The following ERBB4 variants were observed in gnomAD, a reference collection of about 807,000 sequenced individuals.
ERBB4 encodes receptor tyrosine-protein kinase erbB-4.
A neutral mutation model predicts 158.0 loss-of-function variants in ERBB4; 42 were observed. That is an observed-to-expected ratio of 0.27 (90% CI 0.21 to 0.34). ERBB4 has a LOEUF of 0.34. ERBB4 is among the 10% of genes least tolerant of loss of function. The pLI is 1.00. For missense variants in ERBB4, 1,333 were observed against 1,624.1 expected (o/e 0.82, Z 3.08); for synonymous variants, 583 against 558.7 (o/e 1.04, Z -0.61).
intron 7 of ERBB4, among the ~76,000 whole-genome samples, chr2:211,717,759 G>A (rs1575042474): frequency 6.6e-6 from 1 of 152,030 alleles, no homozygotes; most frequent in East Asian, 1.9e-4. Context: ...CCCGGGAGGC[G>A]GAGGTTGCAG....
chr2:212,230,348 A>C lies in ERBB4; in HGVS notation c.83-105445T>G, dbSNP rs1287913224. On this transcript the variant is annotated intron_variant, in intron 1 of 27. Coordinates refer to ENST00000342788, the MANE Select transcript of ERBB4 (RefSeq NM_005235.3). ...CTAAGTGTAGGTATGCTGCAAAACT[A>C]TTACTTTATCCATAATAAAATATGC... 1.3e-5 allele frequency among the ~76,000 whole-genome samples: 2 copies of C among 152,162 alleles called. 1 individual carries two copies. The highest frequency in any genetic ancestry group is 4.1e-4 in the South Asian group (2 of 4,828).
In ERBB4 at chr2:211,997,146, C is replaced by T. The variant is rs962168532; in HGVS notation, c.235-49530G>A. 2.6e-5 allele frequency among the ~76,000 whole-genome samples: 4 copies of T among 151,944 alleles called. 1 individual carries two copies. Among genetic ancestry groups the T allele is most frequent in the Non-Finnish European group, 1.5e-5 (1 of 67,964 alleles). On this transcript the variant is annotated intron_variant, in intron 2 of 27. Coordinates refer to ENST00000342788, the MANE Select transcript of ERBB4 (RefSeq NM_005235.3). ...TGTCTTGCATTTAAACCCCGTTTGCCGGATTAACTGCAAATGTAGATGAGT... is the reference window on the plus strand; with the variant it reads ...TGTCTTGCATTTAAACCCCGTTTGCTGGATTAACTGCAAATGTAGATGAGT...
intron 1 of ERBB4, among the ~76,000 whole-genome samples, chr2:212,510,792 A>G (rs1377456665): frequency 6.6e-6 from 1 of 152,112 alleles, no homozygotes; most frequent in Non-Finnish European, 1.5e-5. Context: ...TAAAATGTCT[A>G]TCTGGAAAAA....
intron 1 of ERBB4, among the ~76,000 whole-genome samples, chr2:212,344,995 G>T (rs6704717): frequency 3.3e-5 from 5 of 151,888 alleles, no homozygotes; most frequent in Non-Finnish European, 1.5e-5. Context: ...GGCGTGGTGG[G>T]TCACGCCTGT....
At position 211,378,605 on chromosome 2, in the gene ERBB4, T is replaced by G. The variant is rs2062520089; in HGVS notation, c.*5010A>C. 4.3e-6 allele frequency: 1 copy of G among 232,446 alleles called. No individual in the cohort carries two copies. The highest frequency in any genetic ancestry group is 5.6e-5 in the Admixed American group (1 of 17,726). 14.4% of individuals were successfully genotyped at this position (232,446 alleles called of 1,614,324 possible). A position where few individuals can be genotyped will look rare whatever the true frequency, so the allele number is the denominator to read the frequency against. ...ACTCAGATCTCTGGGATCAGAAAAA[T>G]TTTATTAATTCTACCCAGAAGTATA... On this transcript the variant is annotated 3_prime_UTR_variant, in exon 28 of 28. Transcript: ENST00000342788.
intron 2 of ERBB4, among the ~76,000 whole-genome samples, chr2:212,070,034 T>C (rs2222377): frequency 0.83 from 125,791 of 151,836 alleles, 53,652 homozygotes; most frequent in East Asian, 1. Flanking sequence ...GTGGGAGGAG[T>C]TGCTGAGCCC....
chr2:211,787,915 A>G lies in ERBB4; in HGVS notation c.556+110T>C, dbSNP rs1188749190. 13 of 1,042,376 alleles carry G rather than the reference A, an allele frequency of 1.2e-5. No homozygotes were observed. In the East Asian group the frequency reaches 2.9e-4, roughly 24 times the overall value. The allele number at this position is 1,042,376 out of a possible 1,614,324, so 64.6% of individuals were successfully genotyped here. Reference sequence around the variant, plus strand: ...CTGCCATATATAACTGAACATTTCAATGAATGCAATCAAAGTTCAAAATAT... The same window carrying G: ...CTGCCATATATAACTGAACATTTCAGTGAATGCAATCAAAGTTCAAAATAT... On this transcript the variant is annotated intron_variant, in intron 4 of 27. Transcript: ENST00000342788.
chr2:211,845,460 A>C (rs553929594), intron 3 of ERBB4, among the ~76,000 whole-genome samples: 1 of 152,174 alleles, frequency 6.6e-6, no homozygotes, highest in African/African-American at 2.4e-5. Flanking sequence ...TTGTTTCTTC[A>C]TTGCTGTTTT....
At chr2:211,532,535 G>T (rs989928911) in intron 20 of ERBB4, among the ~76,000 whole-genome samples, 2 of 151,836 alleles carry the variant, frequency 1.3e-5, no homozygotes, top group African/African-American at 2.4e-5. Flanking sequence ...AGAGAATCTG[G>T]GAGAAAAAAG....
At chr2:212,148,691 C>T (rs10184407) in intron 1 of ERBB4, among the ~76,000 whole-genome samples, 97,235 of 151,158 alleles carry the variant, frequency 0.64, 32,312 homozygotes, top group African/African-American at 0.75. Flanking sequence ...CTATAAATCA[C>T]GCTGCTATAA....
chr2:211,546,835 G>C (rs1446871481), intron 20 of ERBB4, among the ~76,000 whole-genome samples: 3 of 152,010 alleles, frequency 2.0e-5, no homozygotes, highest in African/African-American at 7.2e-5. Context: ...GCCCATTTTA[G>C]CGTGCAAAAC....
intron 1 of ERBB4, among the ~76,000 whole-genome samples, chr2:212,439,224 T>C (rs2092201478): frequency 1.3e-5 from 2 of 152,154 alleles, no homozygotes; most frequent in Admixed American, 1.3e-4. Context: ...AAAGACTGCT[T>C]CGAGATTATT....
chr2:211,728,598 G>A (rs144232829), intron 5 of ERBB4, among the ~76,000 whole-genome samples: 205 of 151,716 alleles, frequency 1.4e-3, no homozygotes, highest in African/African-American at 4.4e-3. Context: ...ATCAACAGTC[G>A]CTAATTAAAA....
rs186422556 is a variant in ERBB4, at chr2:211,419,290, A to C, written c.3135+1151T>G. 8.8e-4 allele frequency among the ~76,000 whole-genome samples: 134 copies of C among 152,194 alleles called. 2 individuals carry two copies. The East Asian group carries it at 0.025, about 29-fold the overall frequency. ...GGATGATAATAATAGAACCTCATGA[A>C]GTTTGTTTAAGGATTAAGGAGGTTA... On this transcript the variant is annotated intron_variant, in intron 25 of 27. Transcript: ENST00000342788.
intron 1 of ERBB4, among the ~76,000 whole-genome samples, chr2:212,203,467 A>C (rs1303180778): frequency 6.6e-6 from 1 of 152,184 alleles, no homozygotes; most frequent in East Asian, 1.9e-4. Flanking sequence ...GTCACGTAGA[A>C]ACTTTCAGGC....
intron 3 of ERBB4, among the ~76,000 whole-genome samples, chr2:211,820,149 A>C (rs1269336077): frequency 6.6e-6 from 1 of 151,946 alleles, no homozygotes; most frequent in African/African-American, 2.4e-5. Flanking sequence ...TCACAAATAC[A>C]TATAAAAAGT....
Position 211,933,641 on chromosome 2 carries a change from CA to C in ERBB4, c.421+13788del, listed in dbSNP as rs1337660501. Among the ~76,000 whole-genome samples, 4 of 151,872 alleles carry C rather than the reference CA, an allele frequency of 2.6e-5. No homozygotes were observed. In the East Asian group the frequency reaches 7.7e-4, roughly 29 times the overall value. On this transcript the variant is annotated intron_variant, in intron 3 of 27. Coordinates refer to ENST00000342788, the MANE Select transcript of ERBB4 (RefSeq NM_005235.3). ...CCTTCCTCTTTCTAGTATCTTGAAT[CA>C]AATTATATTTTTGGAATAATATAGT...
At chr2:211,726,156 A>G (rs1010969124) in intron 5 of ERBB4, among the ~76,000 whole-genome samples, 2 of 151,976 alleles carry the variant, frequency 1.3e-5, no homozygotes, top group Non-Finnish European at 2.9e-5. Context: ...TTCTTCCTAT[A>G]TTTTCAAACA....
At chr2:211,606,051 G>C (rs538835810) in intron 19 of ERBB4, among the ~76,000 whole-genome samples, 115 of 152,048 alleles carry the variant, frequency 7.6e-4, no homozygotes, top group Non-Finnish European at 1.3e-3. Context: ...TCACCCAGGA[G>C]TTTAAATTAA....
Sources: gnomAD v4.1 joint callset for allele counts (sites outside exome capture counted in the v4.1 genomes callset) on GRCh38, gnomAD v4.1.1 for gene constraint, MANE v1.5 for transcripts, NCBI Gene and HGNC (gene_info 2026-07-23, HGNC 2026-07-21) for gene names.